PGM5: variants seen among roughly 807,000 people sequenced by gnomAD.
PGM5 encodes phosphoglucomutase-like protein 5.
In PGM5, 23 loss-of-function variants were observed where a neutral mutation model predicts 59.2. That is an observed-to-expected ratio of 0.39 (90% CI 0.28 to 0.55). The LOEUF is 0.55. Ranked by LOEUF, PGM5 falls within the 20% of genes least tolerant of loss-of-function variation. PGM5 has a pLI of 0.66. For missense variants in PGM5, 574 were observed against 748.3 expected (o/e 0.77, Z 2.72); for synonymous variants, 214 against 286.0 (o/e 0.75, Z 2.54).
chr9:68,374,662 C>T (rs1166162824), intron 1 of PGM5, among the ~76,000 whole-genome samples: 1 of 150,426 alleles, frequency 6.6e-6, no homozygotes, highest in African/African-American at 2.4e-5. Context: ...CCCATCTGAT[C>T]CTCCTCTTTC....
chr9:68,406,662 ATATATATATATATATG>A (rs1398082476), intron 6 of PGM5, among the ~76,000 whole-genome samples: 1,547 of 5,210 alleles, frequency 0.3, 194 homozygotes, highest in Non-Finnish European at 0.35. Flanking sequence ...TAAATTAGGT[ATATATATATATATATG>A]TATATATATA....
intron 10 of PGM5, among the ~76,000 whole-genome samples, chr9:68,525,454 A>T (rs927851953): frequency 2.0e-5 from 3 of 152,202 alleles, no homozygotes; most frequent in African/African-American, 7.2e-5. Context: ...TGGTGGCCCC[A>T]TAGGATTGGA....
At chr9:68,415,793 A>ATCTATCTGTCTG (rs1554681929) in intron 6 of PGM5, among the ~76,000 whole-genome samples, 127 of 86,434 alleles carry the variant, frequency 1.5e-3, no homozygotes, top group Middle Eastern at 4.9e-3. Flanking sequence ...CTATCTATCT[A>ATCTATCTGTCTG]TCTATCTATC....
At chr9:68,466,409 C>G (rs1397784789) in intron 7 of PGM5, 1 of 204,258 alleles carries the variant, frequency 4.9e-6, no homozygotes, top group African/African-American at 2.4e-5. Context: ...TTTTAAACAC[C>G]CTGTCTGATA....
intron 10 of PGM5, among the ~76,000 whole-genome samples, chr9:68,512,867 GA>G (rs1824770974): frequency 6.6e-6 from 1 of 152,194 alleles, no homozygotes; most frequent in African/African-American, 2.4e-5. Flanking sequence ...ATACATAAAT[GA>G]ATTAGTGAAG....
chr9:68,435,014 T>C (rs1823423575), intron 6 of PGM5, among the ~76,000 whole-genome samples: 1 of 152,242 alleles, frequency 6.6e-6, no homozygotes, highest in Admixed American at 6.5e-5. Flanking sequence ...AAGTCCTGCC[T>C]GCCTCCAGGC....
chr9:68,445,144 T>A (rs1305803363), intron 6 of PGM5, among the ~76,000 whole-genome samples: 1 of 151,654 alleles, frequency 6.6e-6, no homozygotes, highest in Non-Finnish European at 1.5e-5. Flanking sequence ...ATTTTTTTTT[T>A]AATGCTTATA....
intron 1 of PGM5, among the ~76,000 whole-genome samples, chr9:68,366,993 C>G (rs1205079094): frequency 2.0e-5 from 3 of 152,084 alleles, no homozygotes; most frequent in African/African-American, 4.8e-5. Flanking sequence ...GCAGCTTCCT[C>G]TTGACTTTTG....
chr9:68,367,051 G>T (rs1194512552), intron 1 of PGM5, among the ~76,000 whole-genome samples: 1 of 152,034 alleles, frequency 6.6e-6, no homozygotes, highest in Non-Finnish European at 1.5e-5. Context: ...ACTGTTGAAG[G>T]TGTGAGCTTC....
chr9:68,519,687 G>A (rs959191396), intron 10 of PGM5, among the ~76,000 whole-genome samples: 1 of 151,184 alleles, frequency 6.6e-6, no homozygotes, highest in Non-Finnish European at 1.5e-5. Flanking sequence ...AAACAGCTAG[G>A]TCAAGTAAAA....
chr9:68,431,797 C>T (rs1587807887), intron 6 of PGM5, among the ~76,000 whole-genome samples: 1 of 151,844 alleles, frequency 6.6e-6, no homozygotes, highest in African/African-American at 2.4e-5. Context: ...AGGGAGCTGT[C>T]TGAGAGGGGA....
At chr9:68,375,722 G>T (rs189633790) in intron 1 of PGM5, among the ~76,000 whole-genome samples, 103 of 152,358 alleles carry the variant, frequency 6.8e-4, no homozygotes, top group African/African-American at 2.4e-3. Context: ...GGCAATATAT[G>T]TGATCCAGAA....
chr9:68,394,182 A>T (rs1430434107), intron 6 of PGM5: 1 of 152,158 alleles, frequency 6.6e-6, no homozygotes, highest in Non-Finnish European at 1.5e-5. Context: ...GGTTACATGG[A>T]TGTACACACT....
chr9:68,484,373 CA>C (rs1188951508), intron 9 of PGM5, among the ~76,000 whole-genome samples: 5,695 of 106,270 alleles, frequency 0.054, 200 homozygotes, highest in African/African-American at 0.12. Context: ...CCATCTCTAC[CA>C]AAAAAAAAAA....
At chr9:68,478,902 G>A (rs1203928865) in intron 7 of PGM5, among the ~76,000 whole-genome samples, 1 of 152,160 alleles carries the variant, frequency 6.6e-6, no homozygotes, top group East Asian at 1.9e-4. Context: ...GCCAACCTTA[G>A]GTCAAGCAGC....
intron 6 of PGM5, among the ~76,000 whole-genome samples, chr9:68,449,575 C>T (rs112638187): frequency 4.5e-4 from 69 of 152,284 alleles, no homozygotes; most frequent in African/African-American, 1.6e-3. Flanking sequence ...AGGATTTCTG[C>T]CTGTTAAGTG....
At chr9:68,494,724 C>G (rs1417457897) in intron 9 of PGM5, among the ~76,000 whole-genome samples, 3 of 152,218 alleles carry the variant, frequency 2.0e-5, no homozygotes, top group Non-Finnish European at 4.4e-5. Flanking sequence ...TTAGCCAAAA[C>G]TGGCCCTTGT....
chr9:68,411,485 T>C (rs1222497284), intron 6 of PGM5, among the ~76,000 whole-genome samples: 10 of 90,384 alleles, frequency 1.1e-4, no homozygotes, highest in African/African-American at 2.6e-4. Flanking sequence ...TGTGTGTGTG[T>C]GTGTATATAT....
rs76026136 is a variant in PGM5 at position 68,387,467 on chromosome 9, G to T, written c.576G>T (p.Glu192Asp). The T allele has an allele frequency of 8.1e-5, 130 of 1,609,562 alleles. No homozygotes were observed. The highest frequency in any genetic ancestry group is 1.1e-4 in the Non-Finnish European group (130 of 1,176,720). The change falls in exon 4 of 11, where the codon GAG (glutamate) becomes GAT (aspartate). Residue 192 changes from glutamate (E) to aspartate (D), a missense_variant. By Grantham distance (45) the Glu-to-Asp change is conservative. Around this residue, in one of 7 missense-constraint regions of PGM5, gnomAD observed 103 missense variants for 112.4 expected, o/e 0.92. Transcript: ENST00000396396. ...CCTTTGTTTTTCTATCTTTAGTGGA[G>T]ATAGTGGACCCAGTGGATATCTATC... ...LENKFKPFRV[E>D]IVDPVDIYLN...
Sources: allele counts gnomAD v4.1 joint callset (sites outside exome capture counted in the v4.1 genomes callset), GRCh38; gene constraint gnomAD v4.1.1; regional missense constraint gnomAD v4.1.1; transcripts MANE v1.5; gene names NCBI Gene and HGNC (gene_info 2026-07-23, HGNC 2026-07-21).